The following CPEB3 variants were observed in gnomAD, a reference collection of about 807,000 sequenced individuals.
CPEB3 encodes the protein cytoplasmic polyadenylation element-binding protein 3.
CPEB3 carries 20 observed loss-of-function variants against 67.2 expected under a neutral mutation model. The ratio of observed to expected loss-of-function variants is 0.30; its 90% CI spans 0.21 to 0.43. The LOEUF is 0.43. Ranked by LOEUF, CPEB3 falls within the 20% of genes least tolerant of loss-of-function variation. The pLI is 1.00. For missense variants in CPEB3, 746 were observed against 968.6 expected (o/e 0.77, Z 3.05); for synonymous variants, 376 against 393.1 (o/e 0.96, Z 0.51).
At chr10:92,155,065 C>T (rs563655476) in intron 4 of CPEB3, among the ~76,000 whole-genome samples, 28 of 152,144 alleles carry the variant, frequency 1.8e-4, no homozygotes, top group East Asian at 1.7e-3. Context: ...AAAAATTAGC[C>T]GGGTATGGCG....
rs147182808 is a variant in CPEB3, at chr10:92,047,117, C to T, written c.*5095G>A. 1.1e-4 allele frequency: 17 copies of T among 152,260 alleles called. No homozygotes were observed. The highest frequency in any genetic ancestry group is 2.9e-4 in the African/African-American group (12 of 41,538). 9.4% of individuals were successfully genotyped at this position (152,260 alleles called of 1,614,324 possible). A position where few individuals can be genotyped will look rare whatever the true frequency, so the allele number is the denominator to read the frequency against. ...TTCTACTTGTTGCAATTAACTTTGT[C>T]GTCATACAAATTTAAACATCCCCTA... On this transcript the variant is annotated 3_prime_UTR_variant, in exon 10 of 10. Transcript: ENST00000265997.
At chr10:92,156,270 T>G (rs1056237309) in intron 4 of CPEB3, among the ~76,000 whole-genome samples, 21 of 152,118 alleles carry the variant, frequency 1.4e-4, no homozygotes, top group Non-Finnish European at 2.9e-4. Context: ...AAGGGTGACC[T>G]GTATGGCCAG....
At chr10:92,119,177 C>G in intron 6 of CPEB3, 1 of 1,582,316 alleles carries the variant, frequency 6.3e-7, no homozygotes, top group South Asian at 1.1e-5. Flanking sequence ...AACGGAGGTT[C>G]CCAGCATCAT....
intron 1 of CPEB3, among the ~76,000 whole-genome samples, 170 bp downstream of exon 1, chr10:92,290,756 C>G (rs1160783295): frequency 6.6e-6 from 1 of 152,166 alleles, no homozygotes; most frequent in Admixed American, 6.5e-5. Context: ...GCGCCGGGGG[C>G]TTCGGAAGGA....
intron 7 of CPEB3, among the ~76,000 whole-genome samples, chr10:92,110,518 G>A (rs1256041838): frequency 6.6e-6 from 1 of 152,168 alleles, no homozygotes; most frequent in East Asian, 1.9e-4. Flanking sequence ...TGGCTCAGAA[G>A]CCACAAACTC....
In CPEB3 at chr10:92,112,151, A is replaced by C. The variant is rs1309197385; in HGVS notation, c.1454-957T>G. ...CTTTTTTTTTTTTTTTTTTTTTTTG[A>C]GATGCAGTCTTGCTCTGTCACCCAA... On this transcript the variant is annotated intron_variant, in intron 6 of 9. Transcript: ENST00000265997. Among the ~76,000 whole-genome samples, 11 of 64,984 alleles carry C rather than the reference A, an allele frequency of 1.7e-4. No homozygotes were observed. The Admixed American group carries it at 2.0e-3, about 12-fold the overall frequency. The allele number at this position is 64,984 out of a possible 152,430, so 42.6% of individuals were successfully genotyped here. A position where few individuals can be genotyped will look rare whatever the true frequency, so the allele number is the denominator to read the frequency against.
intron 2 of CPEB3, among the ~76,000 whole-genome samples, chr10:92,197,362 T>C (rs1436324984): frequency 6.6e-6 from 1 of 152,104 alleles, no homozygotes. Flanking sequence ...ACAAAAAGGA[T>C]AGAAAAAAAC....
chr10:92,173,062 T>C (rs1848076986), intron 4 of CPEB3, among the ~76,000 whole-genome samples: 1 of 152,230 alleles, frequency 6.6e-6, no homozygotes, highest in Non-Finnish European at 1.5e-5. Context: ...ATTGAGTGCG[T>C]ATTCAACAGG....
chr10:92,194,618 ACTCTAAC>A (rs1195199622), intron 2 of CPEB3, among the ~76,000 whole-genome samples: 6 of 152,090 alleles, frequency 3.9e-5, no homozygotes, highest in African/African-American at 1.2e-4. Flanking sequence ...TGAAACTAGA[ACTCTAAC>A]ACAAACTAAG....
chr10:92,196,599 T>C (rs1187260136), intron 2 of CPEB3, among the ~76,000 whole-genome samples: 1 of 151,874 alleles, frequency 6.6e-6, no homozygotes, highest in African/African-American at 2.4e-5. Context: ...AAACCCCGTC[T>C]CTACTAAAAA....
chr10:92,126,593 T>C (rs1027901983), intron 6 of CPEB3, among the ~76,000 whole-genome samples: 1 of 152,198 alleles, frequency 6.6e-6, no homozygotes, highest in African/African-American at 2.4e-5. Context: ...AAATGTACCT[T>C]GGGTCATATA....
intron 6 of CPEB3, among the ~76,000 whole-genome samples, chr10:92,131,582 C>A (rs1845844151): frequency 6.6e-6 from 1 of 152,170 alleles, no homozygotes; most frequent in Non-Finnish European, 1.5e-5. Flanking sequence ...ATGACTTATT[C>A]TGTCTTACTT....
intron 2 of CPEB3, among the ~76,000 whole-genome samples, chr10:92,231,698 C>T (rs1001887570): frequency 3.9e-5 from 6 of 152,094 alleles, no homozygotes; most frequent in Non-Finnish European, 8.8e-5. Flanking sequence ...GTAAAACCCA[C>T]ACAGCTTAAT....
chr10:92,269,947 T>C (rs1393533420), intron 1 of CPEB3, among the ~76,000 whole-genome samples: 1 of 151,882 alleles, frequency 6.6e-6, no homozygotes, highest in Non-Finnish European at 1.5e-5. Flanking sequence ...ATCTATCCTT[T>C]TCTGTCACTG....
rs145695454 is a variant in CPEB3, at chr10:92,091,643, C to T, written c.1687+187G>A. Among the ~76,000 whole-genome samples, 447 of 152,214 alleles carry T rather than the reference C, an allele frequency of 2.9e-3. 3 individuals carry two copies. Among genetic ancestry groups the T allele is most frequent in the Middle Eastern group, 6.8e-3 (2 of 294 alleles). On this transcript the variant is annotated intron_variant, in intron 8 of 9. Coordinates refer to ENST00000265997, the MANE Select transcript of CPEB3 (RefSeq NM_014912.5). Reference sequence around the variant, plus strand: ...CTGTTTAATGAAATTCACTTTTGCACCATAACAAAATAGAGCATTTTGGGA... The same window carrying T: ...CTGTTTAATGAAATTCACTTTTGCATCATAACAAAATAGAGCATTTTGGGA...
intron 9 of CPEB3, among the ~76,000 whole-genome samples, chr10:92,052,788 A>C (rs928886009): frequency 6.6e-6 from 1 of 152,246 alleles, no homozygotes; most frequent in African/African-American, 2.4e-5. Flanking sequence ...GGGGAGGATT[A>C]AGAGGGGCTG....
At chr10:92,217,306 G>A (rs1340561508) in intron 2 of CPEB3, among the ~76,000 whole-genome samples, 1 of 147,422 alleles carries the variant, frequency 6.8e-6, no homozygotes, top group Admixed American at 6.9e-5. Context: ...TTCCCAACTT[G>A]AGAGCCATGC....
At chr10:92,065,511 A>ATGGCTAAAGAGCATTTTTAGC (rs1842512206) in intron 9 of CPEB3, among the ~76,000 whole-genome samples, 2 of 152,064 alleles carry the variant, frequency 1.3e-5, no homozygotes, top group African/African-American at 4.8e-5. Flanking sequence ...ATGAGCCACC[A>ATGGCTAAAGAGCATTTTTAGC]CACCTGGCTA....
intron 1 of CPEB3, among the ~76,000 whole-genome samples, chr10:92,242,786 T>C (rs773186602): frequency 4.6e-5 from 7 of 152,232 alleles, no homozygotes; most frequent in Non-Finnish European, 7.3e-5. Flanking sequence ...CATTGAATTT[T>C]AAAAATTTTA....
Sources: gnomAD v4.1 joint callset for allele counts (sites outside exome capture counted in the v4.1 genomes callset) on GRCh38, gnomAD v4.1.1 for gene constraint, MANE v1.5 for transcripts, NCBI Gene and HGNC (gene_info 2026-07-23, HGNC 2026-07-21) for gene names.